Variants in YEATS4 observed in about 807,000 individuals in gnomAD.
YEATS4 encodes YEATS domain-containing protein 4.
YEATS4 carries 17 observed loss-of-function variants against 30.1 expected under a neutral mutation model. The ratio of observed to expected loss-of-function variants is 0.56; its 90% confidence interval spans 0.39 to 0.85. The LOEUF (loss-of-function observed/expected upper bound fraction) is 0.85. Among genes scored for constraint, YEATS4 ranks in the 40% least tolerant of loss-of-function variants. The pLI is 0.00. For synonymous variants in YEATS4, 85 were observed against 87.5 expected (o/e 0.97, Z 0.16); for missense variants, 142 against 268.3 (o/e 0.53, Z 3.29).
the YEATS4 span, among the ~76,000 whole-genome samples, chr12:69,423,410 T>A: frequency 6.6e-6 from 1 of 152,148 alleles, no homozygotes; most frequent in African/African-American, 2.4e-5. Flanking sequence ...AAGAGGAACA[T>A]CCTGGAAGGC....
intron 6 of YEATS4, among the ~76,000 whole-genome samples, chr12:69,386,109 A>C (rs1868249118): frequency 1.3e-5 from 2 of 152,220 alleles, no homozygotes. Context: ...TTGTATAAGC[A>C]TTTAACACAT....
intron 6 of YEATS4, among the ~76,000 whole-genome samples, chr12:69,381,991 G>A (rs971310789): frequency 6.6e-6 from 1 of 152,132 alleles, no homozygotes; most frequent in Non-Finnish European, 1.5e-5. Context: ...CTGATCTAAC[G>A]CCTCAGCTCC....
the YEATS4 span, among the ~76,000 whole-genome samples, chr12:69,421,594 G>A: frequency 3.9e-5 from 6 of 152,142 alleles, no homozygotes; most frequent in Non-Finnish European, 7.3e-5. Context: ...AATGGAGATG[G>A]AGCAAACACC....
intron 4 of YEATS4, among the ~76,000 whole-genome samples, chr12:69,369,283 C>G (rs868505670): frequency 6.6e-6 from 1 of 152,128 alleles, no homozygotes; most frequent in Non-Finnish European, 1.5e-5. Context: ...TATAGGTGAT[C>G]CTTTTTCGTC....
chr12:69,383,910 T>C (rs1489945134), intron 6 of YEATS4, among the ~76,000 whole-genome samples: 1 of 152,088 alleles, frequency 6.6e-6, no homozygotes. Context: ...TAAACTAGTA[T>C]ATTTGTAGGC....
chr12:69,416,838 C>T, the YEATS4 span, among the ~76,000 whole-genome samples: 11 of 152,118 alleles, frequency 7.2e-5, no homozygotes, highest in African/African-American at 2.2e-4. Flanking sequence ...TTCGGGAGGC[C>T]GAGGTGGGTG....
intron 4 of YEATS4, among the ~76,000 whole-genome samples, chr12:69,368,211 G>A (rs1198415475): frequency 6.6e-6 from 1 of 152,144 alleles, no homozygotes; most frequent in African/African-American, 2.4e-5. Context: ...ATCTAAGAAA[G>A]ACAAGTTGGT....
At position 69,365,870 on chromosome 12, in the gene YEATS4, C is replaced by A; in HGVS notation, c.319C>A (p.Pro107Thr). ...AATCATCAAAATATTTTTCATTGAC[C>A]CTAATGAAAGACCTGTGAGTAGCAT... ...EIIIKIFFID[P>T]NERPVTLYHL... Residue 107 changes from proline to threonine, a missense_variant, in exon 4 of 7, where the codon CCT (proline) becomes ACT (threonine). By Grantham distance (38) the Pro-to-Thr change is conservative (BLOSUM62 -1). Around this residue, in one of 3 missense-constraint regions of YEATS4, gnomAD observed 64 missense variants for 164.0 expected, o/e 0.39. Transcript: ENST00000247843. 6.2e-7 allele frequency: 1 copy of A among 1,602,448 alleles called. No homozygotes were observed. Among genetic ancestry groups the A allele is most frequent in the Non-Finnish European group, 8.5e-7 (1 of 1,174,720 alleles).
At chr12:69,372,075 G>A (rs1046725428) in intron 6 of YEATS4, among the ~76,000 whole-genome samples, 9 of 152,174 alleles carry the variant, frequency 5.9e-5, no homozygotes, top group African/African-American at 2.2e-4. Flanking sequence ...GAAGTTAATA[G>A]GGGACTAGGT....
At chr12:69,380,783 A>G (rs501212) in intron 6 of YEATS4, among the ~76,000 whole-genome samples, 93,654 of 151,622 alleles carry the variant, frequency 0.62, 30,222 homozygotes, top group African/African-American at 0.81. Flanking sequence ...GACAGAGTAC[A>G]AAAGAGAGAA....
chr12:69,374,144 T>TC (rs1303952584), intron 6 of YEATS4, among the ~76,000 whole-genome samples: 1 of 151,830 alleles, frequency 6.6e-6, no homozygotes, highest in Non-Finnish European at 1.5e-5. Context: ...GGTTTTGTTT[T>TC]TTTTTTTCTA....
the YEATS4 span, among the ~76,000 whole-genome samples, chr12:69,410,667 C>G: frequency 4.4e-3 from 674 of 152,170 alleles, 2 homozygotes; most frequent in African/African-American, 0.016. Context: ...TTTGAGTCGC[C>G]GGAGGATAGA....
chr12:69,403,097 C>T, the YEATS4 span, among the ~76,000 whole-genome samples: 16 of 152,228 alleles, frequency 1.1e-4, no homozygotes, highest in South Asian at 1.7e-3. Context: ...TGCAGCAGGC[C>T]AGATGCAGCG....
chr12:69,383,230 C>T (rs1256162217), intron 6 of YEATS4, among the ~76,000 whole-genome samples: 3 of 151,720 alleles, frequency 2.0e-5, no homozygotes, highest in Admixed American at 6.6e-5. Flanking sequence ...TGTGACTGCA[C>T]GCCAGACTGA....
intron 6 of YEATS4, among the ~76,000 whole-genome samples, chr12:69,389,428 C>T (rs1177427665): frequency 2.2e-5 from 3 of 138,250 alleles, no homozygotes; most frequent in Admixed American, 7.5e-5. Context: ...CCAGCCTGGG[C>T]GACAAGAGCG....
At chr12:69,378,040 T>C (rs1049179937) in intron 6 of YEATS4, among the ~76,000 whole-genome samples, 1 of 152,214 alleles carries the variant, frequency 6.6e-6, no homozygotes, top group Non-Finnish European at 1.5e-5. Context: ...TGGGTGCATA[T>C]ATGTTTACAA....
rs71094710 is a variant in YEATS4 at position 69,372,537 on chromosome 12, G to GTTTT, written c.514+1574_514+1577dup. Among the ~76,000 whole-genome samples, 138 of 123,034 alleles carry GTTTT rather than the reference G, an allele frequency of 1.1e-3. 6 individuals are homozygous for GTTTT. Among genetic ancestry groups the GTTTT allele is most frequent in the African/African-American group, 3.0e-3 (95 of 31,890 alleles). The allele number at this position is 123,034 out of a possible 152,430, so 80.7% of individuals were successfully genotyped here. A position where few individuals can be genotyped will look rare whatever the true frequency, so the allele number is the denominator to read the frequency against. On this transcript the variant is annotated intron_variant, in intron 6 of 6. Coordinates refer to ENST00000247843, the MANE Select transcript of YEATS4 (RefSeq NM_006530.4). ...CTACTCTGTTTTCTGTATCTCATGA[G>GTTTT]TTTTTTTTTTTTTTTGAGACAGAGC...
chr12:69,423,710 C>T, the YEATS4 span, among the ~76,000 whole-genome samples: 1 of 152,182 alleles, frequency 6.6e-6, no homozygotes, highest in Non-Finnish European at 1.5e-5. Flanking sequence ...ATAACAGTGA[C>T]ATCATCAGTT....
chr12:69,412,990 G>A, the YEATS4 span, among the ~76,000 whole-genome samples: 1 of 152,136 alleles, frequency 6.6e-6, no homozygotes, highest in Non-Finnish European at 1.5e-5. Context: ...GAGAAAGCAG[G>A]ACATTGGAAA....
Sources: gnomAD v4.1 joint callset for allele counts (sites outside exome capture counted in the v4.1 genomes callset) on GRCh38, gnomAD v4.1.1 for gene constraint, gnomAD v4.1.1 regional missense constraint, MANE v1.5 for transcripts, NCBI Gene and HGNC (gene_info 2026-07-23, HGNC 2026-07-21) for gene names.